Variants in SRRM1 observed in about 807,000 individuals in gnomAD.
SRRM1 encodes serine/arginine repetitive matrix protein 1.
A neutral mutation model predicts 110.2 loss-of-function variants in SRRM1; 19 were observed. That is an observed-to-expected ratio of 0.17 (90% CI 0.12 to 0.25). The LOEUF (loss-of-function observed/expected upper bound fraction) is 0.25. Among genes scored for constraint, SRRM1 ranks in the 10% least tolerant of loss-of-function variants. The probability of loss-of-function intolerance (pLI) is 1.00; values close to 1 mark genes in which losing one functional copy is unlikely to be tolerated. For synonymous variants in SRRM1, 443 were observed against 414.9 expected (o/e 1.07, Z -0.82); for missense variants, 918 against 1,145.8 (o/e 0.80, Z 2.87).
intron 1 of SRRM1, among the ~76,000 whole-genome samples, chr1:24,645,147 T>A (rs1164688506): frequency 1.3e-5 from 2 of 152,174 alleles, no homozygotes; most frequent in Admixed American, 1.3e-4. Context: ...CCCTGCAGAG[T>A]AGGTTTCTAT....
chr1:24,661,979 G>A (rs149509794), intron 11 of SRRM1, among the ~76,000 whole-genome samples: 108 of 152,190 alleles, frequency 7.1e-4, no homozygotes, highest in African/African-American at 2.5e-3. Context: ...CCAGTTACTT[G>A]GGAGGCCCAG....
At chr1:24,670,079 T>G (rs1266465435) in intron 14 of SRRM1, 41 bp from the exon 15 acceptor site, 2 of 1,500,454 alleles carry the variant, frequency 1.3e-6, no homozygotes, top group Non-Finnish European at 1.8e-6. Context: ...TGAAGAGAGA[T>G]GGCTGTTCTC....
chr1:24,670,005 A>G (rs1327487698), intron 14 of SRRM1, 115 bp from the exon 15 acceptor site: 1 of 944,912 alleles, frequency 1.1e-6, no homozygotes, highest in Non-Finnish European at 1.6e-6. Context: ...ATCAACCAGC[A>G]ATCTAAGTGG....
chr1:24,669,761 G>T, intron 14 of SRRM1, 174 bp downstream of exon 14: 1 of 633,484 alleles, frequency 1.6e-6, no homozygotes, highest in African/African-American at 1.8e-5. Flanking sequence ...TGTGGTATAA[G>T]TTAAATGCCA....
Position 24,654,807 on chromosome 1 carries a change from G to C in SRRM1, c.1041-48G>C, listed in dbSNP as rs539296769. 17 of 1,607,366 alleles carry C rather than the reference G, an allele frequency of 1.1e-5. No homozygotes were observed. The South Asian group carries it at 1.7e-4, about 16-fold the overall frequency. ...GTAAACTGTTCATACCTGTAAGGCC[G>C]TTCTTTATAAGTGTGCAATTAGTGA... On this transcript the variant is annotated intron_variant, in intron 8 of 16. Transcript: ENST00000323848.
At chr1:24,649,341 C>G (rs145846830) in intron 4 of SRRM1, among the ~76,000 whole-genome samples, 1 of 152,160 alleles carries the variant, frequency 6.6e-6, no homozygotes, top group African/African-American at 2.4e-5. Flanking sequence ...TTTTTTGAGA[C>G]ACAGTTTCAG....
chr1:24,655,707 G>T (rs1663682092), intron 9 of SRRM1, among the ~76,000 whole-genome samples: 1 of 152,150 alleles, frequency 6.6e-6, no homozygotes, highest in Non-Finnish European at 1.5e-5. Context: ...AGAATGCTGT[G>T]TTAGTCTGAG....
chr1:24,669,394 C>T lies in SRRM1; in HGVS notation c.2011C>T (p.Arg671Trp), dbSNP rs1473955640. Residue 671 changes from arginine to tryptophan, a missense_variant, in exon 14 of 17, where the codon CGG becomes TGG. By Grantham distance (101) the Arg-to-Trp change is moderately radical (BLOSUM62 -3). This residue lies in a region of SRRM1 where 357 missense variants were observed against 402.9 expected (regional missense o/e 0.89). Transcript: ENST00000323848. ...AGGGTCTTCCCCAAGCCGCTCTACCCGGGAGGCCCGATCACCACAACCAAA... is the reference window on the plus strand; with the variant it reads ...AGGGTCTTCCCCAAGCCGCTCTACCTGGGAGGCCCGATCACCACAACCAAA... ...RKGSSPSRST[R>W]EARSPQPNKR... 9 of 1,614,142 alleles carry T rather than the reference C, an allele frequency of 5.6e-6. No individual in the cohort carries two copies. The highest frequency in any genetic ancestry group is 2.2e-5 in the South Asian group (2 of 91,068).
At chr1:24,660,072 A>G (rs1666355312) in intron 9 of SRRM1, among the ~76,000 whole-genome samples, 1 of 152,190 alleles carries the variant, frequency 6.6e-6, no homozygotes, top group African/African-American at 2.4e-5. Flanking sequence ...TCTTTGTGAA[A>G]GTTTCATGAG....
At chr1:24,671,245 C>T in intron 15 of SRRM1, 141 bp from the exon 16 acceptor site, 1 of 874,024 alleles carries the variant, frequency 1.1e-6, no homozygotes, top group Non-Finnish European at 1.8e-6. Context: ...GGCCTTGGGC[C>T]TTCCCCACTC....
chr1:24,644,139 A>T (rs992056448), intron 1 of SRRM1, among the ~76,000 whole-genome samples: 2 of 151,948 alleles, frequency 1.3e-5, no homozygotes, highest in East Asian at 3.9e-4. Context: ...GGTAACTCTT[A>T]CCTAGGCTCT....
intron 13 of SRRM1, 38 bp downstream of exon 13, chr1:24,666,963 A>C: frequency 2.4e-6 from 3 of 1,272,860 alleles, no homozygotes; most frequent in Non-Finnish European, 3.3e-6. Context: ...CATCTCCCCA[A>C]CTCCCCCCGC....
At chr1:24,648,834 T>C in intron 3 of SRRM1, 25 bp from the exon 4 acceptor site, 2 of 1,603,134 alleles carry the variant, frequency 1.2e-6, no homozygotes, top group Non-Finnish European at 1.7e-6. Flanking sequence ...TAACCTGTTT[T>C]TCTTCCTGTC....
rs764310485 is a variant in SRRM1, at chr1:24,654,867, G to A, written c.1053G>A (p.Ser351=). The A allele has an allele frequency of 1.1e-5, 17 of 1,614,020 alleles. No homozygotes were observed. The East Asian group carries it at 2.4e-4, about 23-fold the overall frequency. ...SRSPVRRRRR[S]SASLSGSSSS... ...CTTTATTCCACAGAAGAAGACGTTC[G>A]TCAGCATCCTTGTCTGGGAGTAGCT... Residue 351 remains serine (S), a synonymous_variant, in exon 9 of 17, where the codon TCG becomes TCA. Transcript: ENST00000323848.
chr1:24,663,206 A>G (rs1414206978), intron 12 of SRRM1: 3 of 1,515,914 alleles, frequency 2.0e-6, no homozygotes, highest in Non-Finnish European at 2.7e-6. Flanking sequence ...AAGCGATGGC[A>G]ATCGCCAGTG....
At position 24,662,772 on chromosome 1, in the gene SRRM1, A is replaced by G; in HGVS notation, c.1596A>G (p.Ser532=). 2 of 1,614,168 alleles carry G rather than the reference A, an allele frequency of 1.2e-6. No homozygotes were observed. The highest frequency in any genetic ancestry group is 1.7e-6 in the Non-Finnish European group (2 of 1,180,026). ...RHSPSRSASP[S]PRKRQKETSP... ...CCCCTTCCCGGAGTGCTTCTCCATC[A>G]CCACGAAAGCGCCAAAAAGAGACTT... The change falls in exon 12 of 17, where the codon TCA becomes TCG. Residue 532 remains serine (S), a synonymous_variant. Transcript: ENST00000323848.
Position 24,648,993 on chromosome 1 carries a change from C to G in SRRM1, c.369C>G (p.Phe123Leu). 1 of 1,613,272 alleles carries G rather than the reference C, an allele frequency of 6.2e-7. No homozygotes were observed. Among genetic ancestry groups the G allele is most frequent in the Non-Finnish European group, 8.5e-7 (1 of 1,179,782 alleles). The change falls in exon 4 of 17, where the codon TTC becomes TTG. Residue 123 changes from phenylalanine (F) to leucine (L), a missense_variant. Physicochemically the swap from Phe to Leu is conservative, Grantham distance 22. Transcript: ENST00000323848. ...ACATCGCGGGAATCCCTTCTGCTTT[C>G]CTAGAACTGAAGAAAGAAGAAATAA... ...QENIAGIPSAFLELKKEEIKQ... is the reference protein window; with the variant it reads ...QENIAGIPSALLELKKEEIKQ...
In SRRM1 at chr1:24,643,310, C is replaced by G. The variant is rs554342405; in HGVS notation, c.-17C>G. 170 of 1,564,532 alleles carry G rather than the reference C, an allele frequency of 1.1e-4. 1 individual carries two copies. In the South Asian group the frequency reaches 1.8e-3, roughly 16 times the overall value. ...TGTACCCTGGGATAGGGAGCGATCT[C>G]CGAGCGAGGCGGCAAGATGGACGCG... On this transcript the variant is annotated 5_prime_UTR_variant, in exon 1 of 17. Coordinates refer to ENST00000323848, the MANE Select transcript of SRRM1 (RefSeq NM_005839.4).
At chr1:24,667,374 C>T (rs1670533660) in intron 13 of SRRM1, among the ~76,000 whole-genome samples, 1 of 152,096 alleles carries the variant, frequency 6.6e-6, no homozygotes, top group Non-Finnish European at 1.5e-5. Context: ...GATGTTAATA[C>T]ATTAAAAGAT....
Sources: allele counts gnomAD v4.1 joint callset (sites outside exome capture counted in the v4.1 genomes callset), GRCh38; gene constraint gnomAD v4.1.1; regional missense constraint gnomAD v4.1.1; transcripts MANE v1.5; gene names NCBI Gene and HGNC (gene_info 2026-07-23, HGNC 2026-07-21).